DNAH5: variants seen among roughly 807,000 people sequenced by gnomAD.
DNAH5 encodes dynein axonemal heavy chain 5, also known as axonemal beta dynein heavy chain 5.
In DNAH5, 372 loss-of-function variants were observed where a neutral mutation model predicts 518.2. That is an observed-to-expected ratio of 0.72 (90% CI 0.66 to 0.78). DNAH5 has a LOEUF of 0.78. Among genes scored for constraint, DNAH5 ranks in the 30% least tolerant of loss-of-function variants. The pLI is 0.00. For missense variants in DNAH5, 5,523 were observed against 5,687.0 expected, an observed-to-expected ratio of 0.97 and a Z score of 0.93; for synonymous variants, 2,039 against 2,025.9, an observed-to-expected ratio of 1.01 and a Z score of -0.17.
In DNAH5 at chr5:13,721,250, C is replaced by CA. The variant is rs1179640167; in HGVS notation, c.12034-6dup. The CA allele has an allele frequency of 2.5e-6, 4 of 1,613,736 alleles. No individual in the cohort carries two copies. The highest frequency in any genetic ancestry group is 3.4e-6 in the Non-Finnish European group (4 of 1,179,896). On this transcript the variant is annotated splice_region_variant and splice_polypyrimidine_tract_variant and intron_variant, in intron 70 of 78. Coordinates refer to ENST00000265104, the MANE Select transcript of DNAH5 (RefSeq NM_001369.3). ...GTCCACGATGTACTTGCGGGCCTGC[C>CA]AAAAACAGTATACAAGTCAGTAAAA...
At chr5:13,777,140 A>C in intron 54 of DNAH5, 62 bp downstream of exon 54, 56 of 1,495,922 alleles carry the variant, frequency 3.7e-5, no homozygotes, top group Non-Finnish European at 4.7e-5. Context: ...GAAAACATGT[A>C]GAGCTCTAAG....
chr5:13,720,274 C>A (rs764027010), intron 71 of DNAH5, among the ~76,000 whole-genome samples: 2 of 152,184 alleles, frequency 1.3e-5, no homozygotes, highest in African/African-American at 2.4e-5. Flanking sequence ...CAACTGACAC[C>A]GTCCACAATT....
At chr5:13,735,448 A>C in intron 67 of DNAH5, 127 bp from the exon 68 acceptor site, 1 of 853,120 alleles carries the variant, frequency 1.2e-6, no homozygotes, top group Non-Finnish European at 1.9e-6. Flanking sequence ...CATCAAGAGA[A>C]AGCCTCCTAA....
At chr5:13,902,599 T>C (rs1382097893) in intron 12 of DNAH5, among the ~76,000 whole-genome samples, 1 of 152,198 alleles carries the variant, frequency 6.6e-6, no homozygotes, top group East Asian at 1.9e-4. Context: ...AGGGTTCCCA[T>C]ACTTTCTCAT....
intron 48 of DNAH5, 102 bp downstream of exon 48, chr5:13,793,834 T>A: frequency 6.4e-7 from 1 of 1,552,510 alleles, no homozygotes; most frequent in Non-Finnish European, 8.8e-7. Flanking sequence ...TCAGAAATTA[T>A]ATCTTGAAAA....
In DNAH5 at chr5:13,793,520, A is replaced by C. The variant is rs1262700995; in HGVS notation, c.8219T>G (p.Ile2740Ser). 3 of 1,611,640 alleles carry C rather than the reference A, an allele frequency of 1.9e-6. No homozygotes were observed. Among genetic ancestry groups the C allele is most frequent in the Non-Finnish European group, 2.5e-6 (3 of 1,177,848 alleles). ...CACATCCTCTTGATCTTTACCAAAGATCTTGTCCACAGAAGCTTCAGAGGG... is the reference window on the plus strand; with the variant it reads ...CACATCCTCTTGATCTTTACCAAAGCTCTTGTCCACAGAAGCTTCAGAGGG... ...TLPSEASVDK[I>S]FGVIGVGHYC... Residue 2740 changes from isoleucine (I) to serine (S), a missense_variant, in exon 49 of 79, where the codon ATC becomes AGC. This residue lies in a region of DNAH5 where 5,121 missense variants were observed against 5,223.3 expected (regional missense o/e 0.98). Coordinates refer to ENST00000265104, the MANE Select transcript of DNAH5 (RefSeq NM_001369.3).
chr5:13,841,088 C>A lies in DNAH5; in HGVS notation c.5527G>T (p.Glu1843Ter). ...AACTTGGCATTTCTAAGGGCTTCTT[C>A]TGAATCCCGTGTCCATATCATCTGA... ...GIQMIWTRDS[E>*]EALRNAKFDK... is the part of the protein sequence containing the mutation. The change falls in exon 34 of 79, where the codon GAA becomes TAA. Residue 1843 changes from glutamate (E) to a stop codon, truncating the protein, a stop_gained. Transcript: ENST00000265104. LOFTEE classifies it high-confidence loss of function. The A allele has an allele frequency of 6.2e-7, 1 of 1,614,114 alleles. No homozygotes were observed. Among genetic ancestry groups the A allele is most frequent in the Non-Finnish European group, 8.5e-7 (1 of 1,179,998 alleles).
At chr5:13,774,510 G>A (rs560008748) in intron 55 of DNAH5, among the ~76,000 whole-genome samples, 108 of 152,302 alleles carry the variant, frequency 7.1e-4, no homozygotes, top group African/African-American at 2.5e-3. Flanking sequence ...AAAGGAGGCT[G>A]TGGACGAGCT....
rs559812239 is a variant in DNAH5 at position 13,810,758 on chromosome 5, A to C, written c.7408-498T>G. Among the ~76,000 whole-genome samples, 943 of 127,684 alleles carry C rather than the reference A, an allele frequency of 7.4e-3. 17 individuals are homozygous for C. The highest frequency in any genetic ancestry group is 0.026 in the African/African-American group (897 of 34,474). 83.8% of individuals were successfully genotyped at this position (127,684 alleles called of 152,430 possible). A position where few individuals can be genotyped will look rare whatever the true frequency, so the allele number is the denominator to read the frequency against. On this transcript the variant is annotated intron_variant, in intron 44 of 78. Transcript: ENST00000265104. ...GACAGTGCGAGACTCCATGTCAAAA[A>C]ACAAAACAAACAAACAAAAAAACAG... is the stretch of plus-strand genomic sequence containing the variant.
intron 1 of DNAH5, among the ~76,000 whole-genome samples, chr5:13,951,402 T>C (rs1780400336): frequency 6.6e-6 from 1 of 151,744 alleles, no homozygotes; most frequent in East Asian, 1.9e-4. Context: ...TTATTTTTTG[T>C]AGAGATGGGG....
chr5:13,762,408 TTTTG>T (rs1235733376), intron 60 of DNAH5, among the ~76,000 whole-genome samples: 2 of 150,370 alleles, frequency 1.3e-5, no homozygotes, highest in Non-Finnish European at 2.9e-5. Context: ...TTGCAGCGTT[TTTTG>T]TTTGTTTGTT....
chr5:13,902,090 T>C lies in DNAH5; in HGVS notation c.1693A>G (p.Thr565Ala), dbSNP rs773275802. Residue 565 changes from threonine (T) to alanine (A), a missense_variant, in exon 13 of 79, where the codon ACA becomes GCA. By Grantham distance (58) the Thr-to-Ala change is moderately conservative. Around this residue, in one of 3 missense-constraint regions of DNAH5, gnomAD observed 5,121 missense variants for 5,223.3 expected, o/e 0.98. Coordinates refer to ENST00000265104, the MANE Select transcript of DNAH5 (RefSeq NM_001369.3). Reference sequence around the variant, plus strand: ...TTCAACATTCTTAGAGCTTGATTTGTGTTTTGAATCTTTGCAAATGTAACA... The same window carrying C: ...TTCAACATTCTTAGAGCTTGATTTGCGTTTTGAATCTTTGCAAATGTAACA... The part of the protein sequence containing the change: ...MDVTFAKIQN[T>A]NQALRMLKKF... 12 of 1,609,128 alleles carry C rather than the reference T, an allele frequency of 7.5e-6. No homozygotes were observed. In the African/African-American group the frequency reaches 1.6e-4, roughly 21 times the overall value.
In DNAH5 at chr5:13,721,207, A is replaced by G. The variant is rs1375859408; in HGVS notation, c.12072T>C (p.Tyr4024=). The G allele has an allele frequency of 1.2e-6, 2 of 1,614,144 alleles. No homozygotes were observed. Among genetic ancestry groups the G allele is most frequent in the East Asian group, 2.2e-5 (1 of 44,878 alleles). ...KYIVDSMGEK[Y]AEGVILDLEK... Reference sequence around the variant, plus strand: ...CCAAGTCTAAAATAACACCTTCGGCATATTTTTCTCCCATGGAGTCCACGA... The same window carrying G: ...CCAAGTCTAAAATAACACCTTCGGCGTATTTTTCTCCCATGGAGTCCACGA... The change falls in exon 71 of 79, where the codon TAT becomes TAC. Residue 4024 remains tyrosine (Y), a synonymous_variant. Coordinates refer to ENST00000265104, the MANE Select transcript of DNAH5 (RefSeq NM_001369.3).
At chr5:13,843,403 C>T (rs2151866934) in intron 32 of DNAH5, among the ~76,000 whole-genome samples, 1 of 152,254 alleles carries the variant, frequency 6.6e-6, no homozygotes, top group Non-Finnish European at 1.5e-5. Context: ...GAATCCTGCC[C>T]ATCCCCCTTC....
At chr5:13,993,989 C>T (rs1186765386) in intron 1 of DNAH5, among the ~76,000 whole-genome samples, 1 of 152,218 alleles carries the variant, frequency 6.6e-6, no homozygotes, top group East Asian at 1.9e-4. Context: ...CCTCAGAGGT[C>T]GGAAGGAGGA....
intron 68 of DNAH5, among the ~76,000 whole-genome samples, chr5:13,732,658 C>T (rs540684183): frequency 3.9e-5 from 6 of 152,172 alleles, no homozygotes; most frequent in East Asian, 3.9e-4. Context: ...CTTGAGCCAC[C>T]GCACCTGGGT....
At chr5:13,881,692 G>T (rs1771701677) in intron 21 of DNAH5, among the ~76,000 whole-genome samples, 1 of 151,888 alleles carries the variant, frequency 6.6e-6, no homozygotes, top group Non-Finnish European at 1.5e-5. Context: ...AGTTCTAAGA[G>T]GAAACGGTAT....
intron 43 of DNAH5, among the ~76,000 whole-genome samples, chr5:13,813,549 T>C (rs574908055): frequency 9.2e-5 from 14 of 151,896 alleles, no homozygotes; most frequent in South Asian, 2.1e-4. Context: ...TTTTAAAGAA[T>C]TGTCATTAGT....
chr5:13,922,041 C>T (rs1052664228), intron 5 of DNAH5, 66 bp downstream of exon 5: 6 of 1,525,948 alleles, frequency 3.9e-6, no homozygotes, highest in African/African-American at 2.7e-5. Flanking sequence ...AGAAGCATTA[C>T]ACACTTATGT....
Sources: allele counts gnomAD v4.1 joint callset (sites outside exome capture counted in the v4.1 genomes callset), GRCh38; gene constraint gnomAD v4.1.1; regional missense constraint gnomAD v4.1.1; transcripts MANE v1.5; gene names NCBI Gene and HGNC (gene_info 2026-07-23, HGNC 2026-07-21).